The following RAD18 variants were observed in gnomAD, a reference collection of about 807,000 sequenced individuals.
The protein encoded by RAD18 is E3 ubiquitin-protein ligase RAD18.
In RAD18, 47 loss-of-function variants were observed where a neutral mutation model predicts 60.4. That is an observed-to-expected ratio of 0.78 (90% CI 0.62 to 0.99). The LOEUF (loss-of-function observed/expected upper bound fraction) is 0.99. RAD18 is among the 50% of genes least tolerant of loss of function. The pLI is 0.00. For missense variants in RAD18, 640 were observed against 593.3 expected, an observed-to-expected ratio of 1.08 and a Z score of -0.82; for synonymous variants, 225 against 195.5, an observed-to-expected ratio of 1.15 and a Z score of -1.26.
chr3:8,889,579 A>C (rs996918161), intron 12 of RAD18, among the ~76,000 whole-genome samples: 10 of 152,192 alleles, frequency 6.6e-5, no homozygotes, highest in Non-Finnish European at 8.8e-5. Flanking sequence ...GGTGTAAACT[A>C]GATGAAAAAA....
Position 8,941,518 on chromosome 3 carries a change from CCT to C in RAD18, c.551_552del (p.Glu184GlyfsTer2). The C allele has an allele frequency of 6.2e-7, 1 of 1,613,924 alleles. No individual in the cohort carries two copies. Among genetic ancestry groups the C allele is most frequent in the South Asian group, 1.1e-5 (1 of 91,074 alleles). On this transcript the variant is annotated frameshift_variant, in exon 5 of 13. Coordinates refer to ENST00000264926, the MANE Select transcript of RAD18 (RefSeq NM_020165.4). LOFTEE classifies it high-confidence loss of function. ...SVEEIAPDPS[E>X]AKRPEPPSTS... ...GTCGAGGGTGGCTCAGGACGCTTAG[CCT>C]CTGAGGGATCTGGAGCGATCTCTTC... is the stretch of plus-strand genomic sequence containing the variant.
At chr3:8,907,030 ACT>A (rs1357694224) in intron 9 of RAD18, among the ~76,000 whole-genome samples, 1 of 152,102 alleles carries the variant, frequency 6.6e-6, no homozygotes, top group Non-Finnish European at 1.5e-5. Context: ...CTCAAGGTGA[ACT>A]CTCTGCAGAT....
intron 11 of RAD18, among the ~76,000 whole-genome samples, chr3:8,891,980 A>G (rs1162667918): frequency 2.6e-5 from 4 of 152,246 alleles, no homozygotes; most frequent in Non-Finnish European, 4.4e-5. Context: ...TAGGTATAGC[A>G]GTCAGTGTTA....
intron 7 of RAD18, among the ~76,000 whole-genome samples, chr3:8,930,736 A>G (rs533641255): frequency 4.6e-5 from 7 of 152,344 alleles, no homozygotes; most frequent in African/African-American, 1.4e-4. Flanking sequence ...AAAGGCATCT[A>G]TGAAAACCTA....
In RAD18 at chr3:8,881,271, G is replaced by T; in HGVS notation, c.*86C>A. On this transcript the variant is annotated 3_prime_UTR_variant, in exon 13 of 13. Coordinates refer to ENST00000264926, the MANE Select transcript of RAD18 (RefSeq NM_020165.4). Reference sequence around the variant, plus strand: ...ATTTAGAATTTAGCATCTTTCCTTGGGCATTTATAAATAGAAAATCTATCT... The same window carrying T: ...ATTTAGAATTTAGCATCTTTCCTTGTGCATTTATAAATAGAAAATCTATCT... The T allele has an allele frequency of 9.5e-7, 1 of 1,049,914 alleles. No homozygotes were observed. Among genetic ancestry groups the T allele is most frequent in the Non-Finnish European group, 1.4e-6 (1 of 700,548 alleles). The allele number at this position is 1,049,914 out of a possible 1,614,324, so 65.0% of individuals were successfully genotyped here.
chr3:8,918,133 C>T (rs1216098821), intron 7 of RAD18, among the ~76,000 whole-genome samples: 3 of 151,928 alleles, frequency 2.0e-5, no homozygotes, highest in Admixed American at 2.0e-4. Context: ...GCCTGACCAA[C>T]ATGGTGAAAT....
intron 6 of RAD18, among the ~76,000 whole-genome samples, chr3:8,937,471 C>A (rs1940672157): frequency 6.6e-6 from 1 of 150,690 alleles, no homozygotes. Context: ...TTTAAGGGGC[C>A]TCAGAATCTG....
In RAD18 at chr3:8,912,147, C is replaced by CA. The variant is rs45603638; in HGVS notation, c.1027+164dup. On this transcript the variant is annotated intron_variant, in intron 9 of 12. Coordinates refer to ENST00000264926, the MANE Select transcript of RAD18 (RefSeq NM_020165.4). ...AATCAAAAAGCAGGCATATAAAATACAAAAAAAGTCACTAAGTAAACACCC... is the reference window on the plus strand; with the variant it reads ...AATCAAAAAGCAGGCATATAAAATACAAAAAAAAGTCACTAAGTAAACACCC... Among the ~76,000 whole-genome samples, 186 of 152,006 alleles carry CA rather than the reference C, an allele frequency of 1.2e-3. 5 individuals carry two copies. In the East Asian group the frequency reaches 0.033, roughly 27 times the overall value.
At chr3:8,915,078 G>A (rs888173201) in intron 7 of RAD18, among the ~76,000 whole-genome samples, 2 of 150,576 alleles carry the variant, frequency 1.3e-5, no homozygotes, top group African/African-American at 4.9e-5. Context: ...GAACCCGGGA[G>A]GCGGAGCTTG....
At chr3:8,957,515 AGG>A (rs1941033696) in intron 2 of RAD18, among the ~76,000 whole-genome samples, 1 of 152,202 alleles carries the variant, frequency 6.6e-6, no homozygotes, top group South Asian at 2.1e-4. Flanking sequence ...TTGTACCTTG[AGG>A]TATTTACTGC....
intron 12 of RAD18, among the ~76,000 whole-genome samples, chr3:8,884,683 C>T (rs1029266981): frequency 6.6e-6 from 1 of 152,150 alleles, no homozygotes; most frequent in Admixed American, 6.5e-5. Context: ...TGGCAACAGA[C>T]ACAGCTATTG....
At chr3:8,923,115 C>T (rs1940359356) in intron 7 of RAD18, among the ~76,000 whole-genome samples, 3 of 152,188 alleles carry the variant, frequency 2.0e-5, no homozygotes, top group South Asian at 2.1e-4. Flanking sequence ...CAAACTTCCC[C>T]GAGCTAAAGG....
chr3:8,953,570 T>C (rs1317510955), intron 2 of RAD18, among the ~76,000 whole-genome samples: 1 of 152,200 alleles, frequency 6.6e-6, no homozygotes, highest in Admixed American at 6.5e-5. Flanking sequence ...TTTGAATTCA[T>C]GTATTCCCAG....
chr3:8,905,839 C>T (rs1232095056), intron 9 of RAD18, among the ~76,000 whole-genome samples: 1 of 152,226 alleles, frequency 6.6e-6, no homozygotes, highest in Non-Finnish European at 1.5e-5. Flanking sequence ...CCCCATGTGG[C>T]CCCTCTTAGT....
chr3:8,946,695 A>C (rs1264537221), intron 4 of RAD18, among the ~76,000 whole-genome samples: 2 of 152,266 alleles, frequency 1.3e-5, no homozygotes, highest in African/African-American at 4.8e-5. Flanking sequence ...ATGCTGAATA[A>C]ATCCGATTAA....
At position 8,963,469 on chromosome 3, in the gene RAD18, T is replaced by G. The variant is rs1941123840; in HGVS notation, c.-84A>C. On this transcript the variant is annotated 5_prime_UTR_variant, in exon 1 of 13. An upstream start codon of the reference 5' UTR is lost. Transcript: ENST00000264926. ...ACTCGAAATTCCCCGCGCTACCGCA[T>G]TACGTCAGCAGCCCGCGACGCGCCA... 7 of 1,330,576 alleles carry G rather than the reference T, an allele frequency of 5.3e-6. No individual in the cohort carries two copies. The highest frequency in any genetic ancestry group is 2.7e-5 in the East Asian group (1 of 37,296). The allele number at this position is 1,330,576 out of a possible 1,614,324, so 82.4% of individuals were successfully genotyped here. A position where few individuals can be genotyped will look rare whatever the true frequency, so the allele number is the denominator to read the frequency against.
chr3:8,939,706 A>C (rs17049829), intron 5 of RAD18, 53 bp from the exon 6 acceptor site: 4 of 1,450,724 alleles, frequency 2.8e-6, no homozygotes, highest in Non-Finnish European at 3.8e-6. Context: ...GAAGGGGCAA[A>C]AGTATGTAAA....
chr3:8,928,049 T>TAAA (rs58756851), intron 7 of RAD18, among the ~76,000 whole-genome samples: 2,361 of 121,674 alleles, frequency 0.019, 81 homozygotes, highest in African/African-American at 0.064. Context: ...CCCTAAAACT[T>TAAA]AAAAAAAAAA....
chr3:8,890,583 G>T, intron 11 of RAD18, 132 bp from the exon 12 acceptor site: 1 of 612,690 alleles, frequency 1.6e-6, no homozygotes, highest in Non-Finnish European at 2.8e-6. Flanking sequence ...GTAAGAGGAA[G>T]GAGGGAGAGT....
Sources: allele counts gnomAD v4.1 joint callset (sites outside exome capture counted in the v4.1 genomes callset), GRCh38; gene constraint gnomAD v4.1.1; transcripts MANE v1.5; gene names NCBI Gene and HGNC (gene_info 2026-07-23, HGNC 2026-07-21).